The following PDZRN4 variants were observed in gnomAD, a reference collection of about 807,000 sequenced individuals.
The protein encoded by PDZRN4 is PDZ domain containing ring finger 4, also known as PDZ domain-containing RING finger protein 4.
In PDZRN4, 70 loss-of-function variants were observed where a neutral mutation model predicts 99.0. That is an observed-to-expected ratio of 0.71 (90% CI 0.58 to 0.86). The LOEUF is 0.86. PDZRN4 is among the 40% of genes least tolerant of loss of function. PDZRN4 has a pLI of 0.00. For synonymous variants in PDZRN4, 551 were observed against 501.6 expected, an observed-to-expected ratio of 1.10 and a Z score of -1.32; for missense variants, 1,474 against 1,331.2, an observed-to-expected ratio of 1.11 and a Z score of -1.67.
intron 3 of PDZRN4, among the ~76,000 whole-genome samples, chr12:41,436,771 C>A (rs1420858866): frequency 1.3e-5 from 2 of 152,176 alleles, no homozygotes; most frequent in Admixed American, 6.5e-5. Flanking sequence ...CTTCTGTTAT[C>A]TAAACATCTA....
At chr12:41,233,027 T>C (rs974641906) in intron 3 of PDZRN4, among the ~76,000 whole-genome samples, 1 of 152,138 alleles carries the variant, frequency 6.6e-6, no homozygotes, top group African/African-American at 2.4e-5. Context: ...CATTGGTCTA[T>C]ATCTCTGTTT....
At chr12:41,509,789 C>A in intron 4 of PDZRN4, 22 bp from the exon 5 acceptor site, 1 of 1,100,568 alleles carries the variant, frequency 9.1e-7, no homozygotes, top group Non-Finnish European at 1.4e-6. Context: ...CTATTCCTAT[C>A]ATATTGCTAC....
At chr12:41,404,575 A>G (rs773957674) in intron 3 of PDZRN4, among the ~76,000 whole-genome samples, 1 of 152,124 alleles carries the variant, frequency 6.6e-6, no homozygotes, top group Non-Finnish European at 1.5e-5. Flanking sequence ...TAAAATGGCC[A>G]TACTGCCCAG....
intron 3 of PDZRN4, among the ~76,000 whole-genome samples, chr12:41,382,390 T>G (rs778715072): frequency 6.6e-6 from 1 of 152,208 alleles, no homozygotes; most frequent in Non-Finnish European, 1.5e-5. Context: ...CTGACCAAGG[T>G]AACTGATTGC....
At position 41,188,902 on chromosome 12, in the gene PDZRN4, G is replaced by T. The variant is rs188592567; in HGVS notation, c.447G>T (p.Pro149=). ...GGGGCGGGGGCGCGCGCGGGGGGCC[G>T]CCGGGCGGCCGCTGGGGCCGCGGGC... ...AGRGGGARGG[P]PGGRWGRGRG... is the part of the protein sequence containing the mutation. Residue 149 remains proline, a synonymous_variant, in exon 1 of 10, where the codon CCG becomes CCT. Coordinates refer to ENST00000402685, the MANE Select transcript of PDZRN4 (RefSeq NM_001164595.2). 2,821 of 1,099,724 alleles carry T rather than the reference G, an allele frequency of 2.6e-3. 51 individuals are homozygous for T. The African/African-American group carries it at 0.039, about 15-fold the overall frequency. The allele number at this position is 1,099,724 out of a possible 1,614,324, so 68.1% of individuals were successfully genotyped here.
chr12:41,189,996 A>T (rs935728226), intron 1 of PDZRN4, among the ~76,000 whole-genome samples: 3 of 152,200 alleles, frequency 2.0e-5, no homozygotes, highest in Non-Finnish European at 2.9e-5. Flanking sequence ...AGGCTTGTTT[A>T]TAAAGCTGTT....
At chr12:41,518,731 G>A (rs1565604471) in intron 5 of PDZRN4, among the ~76,000 whole-genome samples, 1 of 151,984 alleles carries the variant, frequency 6.6e-6, no homozygotes, top group African/African-American at 2.4e-5. Flanking sequence ...AAAGGAGCAT[G>A]GCTTGAGGCC....
chr12:41,429,701 A>C (rs1952569473), intron 3 of PDZRN4, among the ~76,000 whole-genome samples: 1 of 151,930 alleles, frequency 6.6e-6, no homozygotes, highest in Admixed American at 6.6e-5. Context: ...TTAAGAGTGC[A>C]CATCTCAGAG....
chr12:41,206,446 A>C (rs1591967436), intron 3 of PDZRN4, among the ~76,000 whole-genome samples: 1 of 151,846 alleles, frequency 6.6e-6, no homozygotes, highest in Non-Finnish European at 1.5e-5. Flanking sequence ...TAAATCTTTG[A>C]ATGTGTATTG....
intron 3 of PDZRN4, among the ~76,000 whole-genome samples, chr12:41,411,052 T>C (rs1025500422): frequency 4.8e-5 from 6 of 123,900 alleles, no homozygotes; most frequent in South Asian, 4.8e-4. Flanking sequence ...CTTTAAAATA[T>C]ATATATATAT....
rs1158453850 is a variant in PDZRN4 at position 41,253,353 on chromosome 12, AGAG to A, written c.843+59166_843+59168del. ...TTTGATTTGATTTTTATGAATGGTA[AGAG>A]ACAGGGTTCTAGTTTCATTCTTCTG... On this transcript the variant is annotated intron_variant, in intron 3 of 9. Coordinates refer to ENST00000402685, the MANE Select transcript of PDZRN4 (RefSeq NM_001164595.2). Among the ~76,000 whole-genome samples the A allele has an allele frequency of 2.6e-5, 4 of 152,344 alleles. No individual in the cohort carries two copies. The East Asian group carries it at 7.7e-4, about 29-fold the overall frequency.
At chr12:41,485,267 T>TC (rs1030981015) in intron 3 of PDZRN4, among the ~76,000 whole-genome samples, 11 of 152,266 alleles carry the variant, frequency 7.2e-5, no homozygotes, top group African/African-American at 2.2e-4. Flanking sequence ...AAGAAGGCTA[T>TC]CCCTGGGCAG....
At chr12:41,403,212 G>T (rs1361224169) in intron 3 of PDZRN4, among the ~76,000 whole-genome samples, 1 of 152,132 alleles carries the variant, frequency 6.6e-6, no homozygotes, top group Non-Finnish European at 1.5e-5. Flanking sequence ...AGCCCCAGGG[G>T]CTAGGAAACC....
chr12:41,491,307 G>A (rs544268344), intron 3 of PDZRN4, among the ~76,000 whole-genome samples: 3 of 152,208 alleles, frequency 2.0e-5, no homozygotes, highest in Admixed American at 2.0e-4. Flanking sequence ...CAGATCATGA[G>A]GTCAGGAAAT....
At chr12:41,243,764 C>T (rs1280169204) in intron 3 of PDZRN4, among the ~76,000 whole-genome samples, 2 of 152,152 alleles carry the variant, frequency 1.3e-5, no homozygotes, top group Non-Finnish European at 2.9e-5. Context: ...AGCTAATTCA[C>T]AGTAGCAGAA....
chr12:41,241,807 T>G (rs553158020), intron 3 of PDZRN4, among the ~76,000 whole-genome samples: 2 of 152,190 alleles, frequency 1.3e-5, no homozygotes, highest in South Asian at 4.1e-4. Flanking sequence ...CAGCCTAGAT[T>G]GTTTATAGTG....
chr12:41,342,320 C>T (rs1918238), intron 3 of PDZRN4, among the ~76,000 whole-genome samples: 57,048 of 151,384 alleles, frequency 0.38, 10,814 homozygotes, highest in South Asian at 0.42. Context: ...GCCCCAGAAG[C>T]GCGGGCAACA....
At chr12:41,446,850 ATTTTT>A (rs36011837) in intron 3 of PDZRN4, among the ~76,000 whole-genome samples, 3 of 138,998 alleles carry the variant, frequency 2.2e-5, no homozygotes, top group African/African-American at 5.3e-5. Flanking sequence ...ACCAAGGGCA[ATTTTT>A]TTTTTTTTTT....
chr12:41,194,222 G>A lies in PDZRN4; in HGVS notation c.843+34G>A, dbSNP rs374632351. 5.2e-5 allele frequency: 49 copies of A among 949,912 alleles called. No homozygotes were observed. The African/African-American group carries it at 6.6e-4, about 13-fold the overall frequency. The allele number at this position is 949,912 out of a possible 1,614,324, so 58.8% of individuals were successfully genotyped here. A position where few individuals can be genotyped will look rare whatever the true frequency, so the allele number is the denominator to read the frequency against. ...ATGATAAAACATGTATATGATCCAT[G>A]CAAGAAAGATTGGGATATTTTAAGT... On this transcript the variant is annotated intron_variant, in intron 3 of 9. Coordinates refer to ENST00000402685, the MANE Select transcript of PDZRN4 (RefSeq NM_001164595.2).
Sources: allele counts gnomAD v4.1 joint callset (sites outside exome capture counted in the v4.1 genomes callset), GRCh38; gene constraint gnomAD v4.1.1; transcripts MANE v1.5; gene names NCBI Gene and HGNC (gene_info 2026-07-23, HGNC 2026-07-21).